ARL15: variants seen among roughly 807,000 people sequenced by gnomAD.
The protein encoded by ARL15 is ARF like GTPase 15.
A neutral mutation model predicts 25.2 loss-of-function variants in ARL15; 19 were observed. The observed-to-expected ratio is 0.75, with a 90% CI of 0.53 to 1.10. ARL15 has a LOEUF of 1.10. ARL15 is among the 50% of genes least tolerant of loss of function. The probability of loss-of-function intolerance (pLI) is 0.00; values close to 1 mark genes in which losing one functional copy is unlikely to be tolerated. For synonymous variants in ARL15, 94 were observed against 86.8 expected (o/e 1.08, Z -0.46); for missense variants, 220 against 246.0 (o/e 0.89, Z 0.71).
intron 4 of ARL15, among the ~76,000 whole-genome samples, chr5:53,901,003 T>C (rs1006747808): frequency 6.6e-6 from 1 of 152,226 alleles, no homozygotes; most frequent in Non-Finnish European, 1.5e-5. Context: ...TTTCAGAGAA[T>C]GGAAAGCTCT....
At chr5:53,990,127 C>T (rs985160190) in intron 4 of ARL15, among the ~76,000 whole-genome samples, 1 of 151,962 alleles carries the variant, frequency 6.6e-6, no homozygotes, top group Non-Finnish European at 1.5e-5. Context: ...ACTTGAGAGG[C>T]TGAGGCAGCA....
At chr5:54,196,517 T>A (rs1307707093) in intron 1 of ARL15, among the ~76,000 whole-genome samples, 1 of 152,190 alleles carries the variant, frequency 6.6e-6, no homozygotes, top group Non-Finnish European at 1.5e-5. Flanking sequence ...AAATTAGTTA[T>A]AATGTAAAAT....
chr5:53,987,206 C>A (rs115848264), intron 4 of ARL15, among the ~76,000 whole-genome samples: 2 of 151,560 alleles, frequency 1.3e-5, no homozygotes, highest in African/African-American at 4.8e-5. Flanking sequence ...CTAGAAGGTA[C>A]ATTAACAATG....
At chr5:54,178,195 T>G (rs536181484) in intron 1 of ARL15, among the ~76,000 whole-genome samples, 1 of 152,216 alleles carries the variant, frequency 6.6e-6, no homozygotes, top group Non-Finnish European at 1.5e-5. Flanking sequence ...TGCCAGTGTT[T>G]CCTACCATCC....
intron 4 of ARL15, among the ~76,000 whole-genome samples, chr5:54,088,222 G>A (rs1752032662): frequency 6.6e-6 from 1 of 152,182 alleles, no homozygotes; most frequent in African/African-American, 2.4e-5. Context: ...TTCTACAATT[G>A]GGGAATTGTC....
intron 1 of ARL15, among the ~76,000 whole-genome samples, chr5:54,219,650 A>AAG (rs1489667831): frequency 2.0e-5 from 3 of 152,156 alleles, no homozygotes; most frequent in Admixed American, 6.5e-5. Flanking sequence ...TATCTGTGAG[A>AAG]AGAGGCACTG....
intron 4 of ARL15, among the ~76,000 whole-genome samples, chr5:54,102,590 T>C (rs1214184060): frequency 6.6e-6 from 1 of 152,152 alleles, no homozygotes; most frequent in African/African-American, 2.4e-5. Context: ...TTCAATGAAA[T>C]ATGCTAACGC....
intron 1 of ARL15, among the ~76,000 whole-genome samples, chr5:54,245,277 T>A (rs1293415326): frequency 2.0e-5 from 3 of 152,226 alleles, no homozygotes; most frequent in African/African-American, 7.2e-5. Context: ...ATCTATGGAA[T>A]AGTATGTGTC....
At chr5:53,891,222 C>T (rs1329364561) in intron 4 of ARL15, among the ~76,000 whole-genome samples, 1 of 152,156 alleles carries the variant, frequency 6.6e-6, no homozygotes, top group African/African-American at 2.4e-5. Flanking sequence ...TTCCTGTAAG[C>T]ATTCTGGGGA....
chr5:54,039,799 C>T (rs13176816), intron 4 of ARL15, among the ~76,000 whole-genome samples: 3,106 of 27,130 alleles, frequency 0.11, 201 homozygotes, highest in African/African-American at 0.3. Flanking sequence ...AAGACTCTGT[C>T]TAAAAAAAAA....
intron 4 of ARL15, among the ~76,000 whole-genome samples, chr5:53,964,731 G>A (rs190911331): frequency 1.1e-4 from 17 of 152,258 alleles, no homozygotes; most frequent in South Asian, 4.2e-4. Flanking sequence ...AGGGATTTTC[G>A]TATTCTTCTA....
chr5:54,244,537 T>C (rs532560793), intron 1 of ARL15, among the ~76,000 whole-genome samples: 1 of 152,190 alleles, frequency 6.6e-6, no homozygotes, highest in East Asian at 1.9e-4. Flanking sequence ...AAAGGTGAAA[T>C]CACAAAATCA....
intron 4 of ARL15, among the ~76,000 whole-genome samples, chr5:53,927,506 T>C (rs145480265): frequency 2.0e-5 from 3 of 152,266 alleles, no homozygotes; most frequent in African/African-American, 7.2e-5. Flanking sequence ...TACAATCACC[T>C]CTTGAAGCCT....
At chr5:54,085,212 T>C (rs1043538718) in intron 4 of ARL15, among the ~76,000 whole-genome samples, 1 of 152,242 alleles carries the variant, frequency 6.6e-6, no homozygotes, top group African/African-American at 2.4e-5. Flanking sequence ...TTCAGAATGC[T>C]TAGCAAACTA....
intron 4 of ARL15, among the ~76,000 whole-genome samples, chr5:54,070,753 G>T (rs529654955): frequency 1.2e-4 from 18 of 151,648 alleles, no homozygotes; most frequent in African/African-American, 4.1e-4. Flanking sequence ...GCTGAGGTAC[G>T]AGAATCACAT....
At chr5:54,065,148 A>G (rs529779610) in intron 4 of ARL15, among the ~76,000 whole-genome samples, 1 of 152,310 alleles carries the variant, frequency 6.6e-6, no homozygotes, top group African/African-American at 2.4e-5. Context: ...TAAAATGCAA[A>G]ATAAAAGAGT....
chr5:54,086,714 CA>C (rs1388065357), intron 4 of ARL15, among the ~76,000 whole-genome samples: 3 of 151,972 alleles, frequency 2.0e-5, no homozygotes, highest in Admixed American at 6.6e-5. Context: ...ATACTAGAAG[CA>C]AAAGAAATCA....
chr5:54,119,529 C>T (rs146108128), intron 3 of ARL15, among the ~76,000 whole-genome samples: 99 of 152,246 alleles, frequency 6.5e-4, no homozygotes, highest in African/African-American at 2.1e-3. Context: ...GTCCAGAAAA[C>T]TAGCTCAAAT....
chr5:53,927,890 T>C (rs2035769), intron 4 of ARL15, among the ~76,000 whole-genome samples: 8,694 of 152,214 alleles, frequency 0.057, 293 homozygotes, highest in Middle Eastern at 0.085. Flanking sequence ...TTACTAACTC[T>C]GTGACCGTGG....
Sources: allele counts gnomAD v4.1 joint callset (sites outside exome capture counted in the v4.1 genomes callset), GRCh38; gene constraint gnomAD v4.1.1; transcripts MANE v1.5; gene names NCBI Gene and HGNC (gene_info 2026-07-23, HGNC 2026-07-21).